Variants in MGAT4C observed in about 807,000 individuals in gnomAD.
The protein encoded by MGAT4C is MGAT4 family member C, also known as alpha-1,3-mannosyl-glycoprotein 4-beta-N-acetylglucosaminyltransferase C.
Under a neutral mutation model 40.1 loss-of-function variants are expected in MGAT4C, and 19 were observed. That is an observed-to-expected ratio of 0.47 (90% CI 0.33 to 0.70). The LOEUF is 0.70. MGAT4C is among the 30% of genes least tolerant of loss of function. The probability of loss-of-function intolerance (pLI) is 0.02; values close to 1 mark genes in which losing one functional copy is unlikely to be tolerated. For synonymous variants in MGAT4C, 181 were observed against 187.1 expected, an observed-to-expected ratio of 0.97 and a Z score of 0.27; for missense variants, 491 against 563.2, an observed-to-expected ratio of 0.87 and a Z score of 1.30.
At chr12:86,557,037 G>C (rs545317034) in intron 2 of MGAT4C, among the ~76,000 whole-genome samples, 1 of 152,164 alleles carries the variant, frequency 6.6e-6, no homozygotes, top group East Asian at 1.9e-4. Flanking sequence ...AAAAACATCA[G>C]TTTTGAGAGA....
At chr12:86,598,371 A>G (rs1961622631) in intron 2 of MGAT4C, among the ~76,000 whole-genome samples, 1 of 152,156 alleles carries the variant, frequency 6.6e-6, no homozygotes, top group African/African-American at 2.4e-5. Flanking sequence ...ATGTTTGTGT[A>G]TAGAGATATA....
In MGAT4C at chr12:86,502,853, T is replaced by TACAC. The variant is rs1317671750; in HGVS notation, c.-228-67589_-228-67588insGTGT. ...CACGAGTTCTGCTCATATATATATA[T>TACAC]GAGTTCTGCTCATATATATATATAT... On this transcript the variant is annotated intron_variant, in intron 2 of 7. Coordinates refer to the MGAT4C transcript ENST00000548651. Among the ~76,000 whole-genome samples, 161 of 90,552 alleles carry TACAC rather than the reference T, an allele frequency of 1.8e-3. 5 individuals carry two copies. Among genetic ancestry groups the TACAC allele is most frequent in the African/African-American group, 7.5e-3 (149 of 19,910 alleles). The allele number at this position is 90,552 out of a possible 152,430, so 59.4% of individuals were successfully genotyped here.
intron 1 of MGAT4C, among the ~76,000 whole-genome samples, chr12:86,131,151 T>C (rs2135711552): frequency 6.6e-6 from 1 of 152,236 alleles, no homozygotes; most frequent in African/African-American, 2.4e-5. Flanking sequence ...ACAAGTAATT[T>C]ATTCTCTCTG....
At chr12:86,450,048 T>C (rs951598503) in intron 2 of MGAT4C, among the ~76,000 whole-genome samples, 3 of 152,170 alleles carry the variant, frequency 2.0e-5, no homozygotes, top group African/African-American at 4.8e-5. Flanking sequence ...GAAAAAGTAT[T>C]GTGTTGCTTT....
At chr12:86,014,840 T>A (rs1006859694) in intron 2 of MGAT4C, among the ~76,000 whole-genome samples, 1 of 152,028 alleles carries the variant, frequency 6.6e-6, no homozygotes, top group East Asian at 1.9e-4. Context: ...TATTATTATT[T>A]TTTATTTTGA....
intron 2 of MGAT4C, among the ~76,000 whole-genome samples, chr12:86,525,599 C>G (rs1958866912): frequency 6.6e-6 from 1 of 152,104 alleles, no homozygotes; most frequent in African/African-American, 2.4e-5. Context: ...AAGTTGCTGA[C>G]CTTTGCATGT....
intron 2 of MGAT4C, among the ~76,000 whole-genome samples, chr12:86,683,565 T>C (rs1950020244): frequency 1.3e-5 from 2 of 151,934 alleles, no homozygotes; most frequent in Admixed American, 1.3e-4. Context: ...GGAAAAAAAC[T>C]CACTACTATG....
At chr12:86,278,903 A>G (rs2136115659) in intron 4 of MGAT4C, among the ~76,000 whole-genome samples, 1 of 151,670 alleles carries the variant, frequency 6.6e-6, no homozygotes, top group South Asian at 2.1e-4. Context: ...GAATTTTATC[A>G]AATGTTTTTT....
At position 86,177,385 on chromosome 12, in the gene MGAT4C, TAATAG is replaced by T. The variant is rs939748350; in HGVS notation, c.-57+78849_-57+78853del. On this transcript the variant is annotated intron_variant, in intron 1 of 4. Transcript: ENST00000611864. ...AACCATAAGTGATGTAGAAAACATT[TAATAG>T]AATAACAAGAACAATTTTCAATGTG... Among the ~76,000 whole-genome samples the T allele has an allele frequency of 5.5e-4, 83 of 152,268 alleles. 1 individual carries two copies. Among genetic ancestry groups the T allele is most frequent in the African/African-American group, 2.0e-3 (83 of 41,572 alleles).
At chr12:86,756,937 G>A (rs1198492728) in intron 1 of MGAT4C, among the ~76,000 whole-genome samples, 1 of 151,966 alleles carries the variant, frequency 6.6e-6, no homozygotes, top group Non-Finnish European at 1.5e-5. Context: ...ATCATAATAA[G>A]CCTTTCTCAA....
intron 4 of MGAT4C, among the ~76,000 whole-genome samples, chr12:86,326,689 T>C (rs890573369): frequency 1.6e-4 from 25 of 152,138 alleles, no homozygotes; most frequent in African/African-American, 6.0e-4. Context: ...TAATCACTTA[T>C]AAAATCAAGA....
At chr12:86,510,195 G>T (rs1565815268) in intron 2 of MGAT4C, among the ~76,000 whole-genome samples, 1 of 151,900 alleles carries the variant, frequency 6.6e-6, no homozygotes, top group Non-Finnish European at 1.5e-5. Flanking sequence ...ACTGGCTGTG[G>T]GTTTGTCATA....
intron 2 of MGAT4C, among the ~76,000 whole-genome samples, chr12:86,625,417 G>T (rs1450268053): frequency 1.3e-5 from 2 of 152,100 alleles, no homozygotes; most frequent in Non-Finnish European, 2.9e-5. Context: ...TAGAGATATA[G>T]AAGTTATTAA....
At chr12:86,219,551 A>G (rs1367083751) in intron 1 of MGAT4C, among the ~76,000 whole-genome samples, 1 of 152,202 alleles carries the variant, frequency 6.6e-6, no homozygotes, top group Non-Finnish European at 1.5e-5. Flanking sequence ...TTTCTCTTGC[A>G]GGAAGGCCAA....
chr12:86,040,628 A>G (rs1231746116), intron 2 of MGAT4C, among the ~76,000 whole-genome samples: 1 of 151,116 alleles, frequency 6.6e-6, no homozygotes, highest in Non-Finnish European at 1.5e-5. Flanking sequence ...CCCAAGCCAG[A>G]CCACTTGGCT....
At chr12:86,801,253 C>CT (rs1457959523) in intron 1 of MGAT4C, among the ~76,000 whole-genome samples, 1 of 151,774 alleles carries the variant, frequency 6.6e-6, no homozygotes, top group Non-Finnish European at 1.5e-5. Context: ...AAGAAAACAA[C>CT]CACAACTTGA....
chr12:86,358,845 C>A (rs1037965633), intron 3 of MGAT4C, among the ~76,000 whole-genome samples: 2 of 152,164 alleles, frequency 1.3e-5, no homozygotes, highest in East Asian at 1.9e-4. Context: ...TAGAGACCTA[C>A]AAAGAGACTT....
intron 1 of MGAT4C, among the ~76,000 whole-genome samples, chr12:86,811,604 A>C (rs1218939703): frequency 6.6e-6 from 1 of 151,218 alleles, no homozygotes; most frequent in African/African-American, 2.4e-5. Context: ...AGCCTCCCAA[A>C]GTGCTGAGAT....
At chr12:86,088,594 G>GA (rs1347170274) in intron 1 of MGAT4C, among the ~76,000 whole-genome samples, 2 of 151,976 alleles carry the variant, frequency 1.3e-5, no homozygotes, top group Non-Finnish European at 2.9e-5. Flanking sequence ...TTCAAGAGAA[G>GA]ACATATACAC....
Sources: gnomAD v4.1 joint callset for allele counts (sites outside exome capture counted in the v4.1 genomes callset) on GRCh38, gnomAD v4.1.1 for gene constraint, MANE v1.5 for transcripts, NCBI Gene and HGNC (gene_info 2026-07-23, HGNC 2026-07-21) for gene names.